The following TRAPPC9 variants were observed in gnomAD, a reference collection of about 807,000 sequenced individuals.
TRAPPC9 encodes IKK2 binding protein.
TRAPPC9 carries 83 observed loss-of-function variants against 124.0 expected under a neutral mutation model. That is an observed-to-expected ratio of 0.67 (90% CI 0.56 to 0.80). The LOEUF (loss-of-function observed/expected upper bound fraction) is 0.80, where lower values mean the gene tolerates loss of function less well. TRAPPC9 is among the 30% of genes least tolerant of loss of function. TRAPPC9 has a pLI of 0.00. For missense variants in TRAPPC9, 1,302 were observed against 1,508.3 expected (o/e 0.86, Z 2.27); for synonymous variants, 638 against 617.5 (o/e 1.03, Z -0.49).
chr8:139,924,934 G>T (rs549446552), intron 19 of TRAPPC9, among the ~76,000 whole-genome samples: 1 of 152,324 alleles, frequency 6.6e-6, no homozygotes, highest in African/African-American at 2.4e-5. Context: ...TGAGCAGGGG[G>T]GTCAGCGGTG....
chr8:139,949,078 A>G lies in TRAPPC9; in HGVS notation c.2811-38778T>C, dbSNP rs115695782. Among the ~76,000 whole-genome samples the G allele has an allele frequency of 6.2e-3, 941 of 152,308 alleles. 12 individuals carry two copies. The highest frequency in any genetic ancestry group is 0.021 in the African/African-American group (879 of 41,560). ...ACATGGTGAGACTCCATCTCAAAAA[A>G]ATAAAAATAAAAAAGACAATAACAA... On this transcript the variant is annotated intron_variant, in intron 19 of 22. Coordinates refer to ENST00000438773, the MANE Select transcript of TRAPPC9 (RefSeq NM_001160372.4).
chr8:140,209,188 G>A (rs1356440387), intron 17 of TRAPPC9, among the ~76,000 whole-genome samples: 1 of 152,210 alleles, frequency 6.6e-6, no homozygotes, highest in African/African-American at 2.4e-5. Flanking sequence ...ACAACGAGCA[G>A]GAGTCACTCC....
chr8:139,978,999 G>A (rs1836689184), intron 19 of TRAPPC9, among the ~76,000 whole-genome samples: 1 of 152,070 alleles, frequency 6.6e-6, no homozygotes, highest in African/African-American at 2.4e-5. Flanking sequence ...GGGACTCGGT[G>A]GCCGGGCTCC....
intron 15 of TRAPPC9, among the ~76,000 whole-genome samples, chr8:140,258,219 G>A (rs1267846597): frequency 6.6e-6 from 1 of 152,236 alleles, no homozygotes; most frequent in Non-Finnish European, 1.5e-5. Context: ...CACGGCCTGA[G>A]GGAGCAGGAG....
chr8:140,118,813 G>A (rs1402056370), intron 17 of TRAPPC9, among the ~76,000 whole-genome samples: 1 of 152,194 alleles, frequency 6.6e-6, no homozygotes, highest in Non-Finnish European at 1.5e-5. Context: ...GACAGCACTT[G>A]AGCGACAGTA....
chr8:139,748,633 C>T (rs1480060725), intron 21 of TRAPPC9, among the ~76,000 whole-genome samples: 1 of 151,958 alleles, frequency 6.6e-6, no homozygotes, highest in Non-Finnish European at 1.5e-5. Flanking sequence ...CTGTGCCGGG[C>T]CTTGCATAGG....
At chr8:140,400,440 T>G (rs1464734457) in intron 6 of TRAPPC9, among the ~76,000 whole-genome samples, 2 of 152,254 alleles carry the variant, frequency 1.3e-5, no homozygotes, top group East Asian at 3.8e-4. Context: ...CAAACATTTT[T>G]AGAAACTCTC....
intron 19 of TRAPPC9, chr8:139,932,763 T>C: frequency 3.0e-6 from 1 of 335,116 alleles, no homozygotes; most frequent in Non-Finnish European, 5.9e-6. Context: ...GACTGTGTCT[T>C]CAAAAAAAAA....
At chr8:139,823,310 G>T (rs1825382989) in intron 21 of TRAPPC9, among the ~76,000 whole-genome samples, 1 of 152,092 alleles carries the variant, frequency 6.6e-6, no homozygotes, top group South Asian at 2.1e-4. Context: ...GTGATTTTAA[G>T]TGGGGGAAGC....
intron 15 of TRAPPC9, among the ~76,000 whole-genome samples, chr8:140,267,825 C>A (rs1029292753): frequency 1.3e-5 from 2 of 152,178 alleles, no homozygotes; most frequent in African/African-American, 4.8e-5. Flanking sequence ...CACCACCAAG[C>A]ACAGCCAATT....
chr8:140,140,868 A>G (rs555951677), intron 17 of TRAPPC9, among the ~76,000 whole-genome samples: 34 of 152,092 alleles, frequency 2.2e-4, no homozygotes, highest in Non-Finnish European at 3.7e-4. Flanking sequence ...CACCACCCCA[A>G]TGGGCTGCAC....
At chr8:140,452,120 C>CA (rs534391613) in intron 1 of TRAPPC9, among the ~76,000 whole-genome samples, 1,151 of 83,802 alleles carry the variant, frequency 0.014, 19 homozygotes, top group African/African-American at 0.044. Flanking sequence ...GACTCCGTCT[C>CA]AAAAAAAAAA....
intron 16 of TRAPPC9, among the ~76,000 whole-genome samples, chr8:140,233,816 T>C (rs1461468905): frequency 6.6e-6 from 1 of 151,776 alleles, no homozygotes; most frequent in African/African-American, 2.4e-5. Context: ...CTGCCCCTTC[T>C]GTAAATCTTA....
chr8:140,341,678 G>A (rs2067198664), intron 9 of TRAPPC9, among the ~76,000 whole-genome samples: 1 of 149,940 alleles, frequency 6.7e-6, no homozygotes, highest in Admixed American at 6.6e-5. Flanking sequence ...TATACGCATG[G>A]GAAAAAAAAA....
intron 17 of TRAPPC9, among the ~76,000 whole-genome samples, chr8:140,073,833 A>G (rs1843336131): frequency 6.6e-6 from 1 of 152,190 alleles, no homozygotes; most frequent in South Asian, 2.1e-4. Context: ...GGTTCCTCAC[A>G]TTCTTCTGTT....
chr8:140,191,261 T>C (rs2062486893), intron 17 of TRAPPC9, among the ~76,000 whole-genome samples: 1 of 152,214 alleles, frequency 6.6e-6, no homozygotes, highest in Non-Finnish European at 1.5e-5. Flanking sequence ...ATTTTTCAAA[T>C]AAACTGAGGC....
chr8:140,446,519 G>A (rs1031144990), intron 2 of TRAPPC9, among the ~76,000 whole-genome samples: 16 of 152,084 alleles, frequency 1.1e-4, no homozygotes, highest in African/African-American at 3.9e-4. Context: ...TTGCCCTTGA[G>A]CCCTCATAAG....
intron 21 of TRAPPC9, among the ~76,000 whole-genome samples, chr8:139,851,502 C>T (rs575837247): frequency 6.6e-6 from 1 of 152,256 alleles, no homozygotes; most frequent in South Asian, 2.1e-4. Context: ...CTGCTTTCCA[C>T]CTGGTACCTA....
At chr8:140,225,064 C>T (rs550606097) in intron 16 of TRAPPC9, among the ~76,000 whole-genome samples, 4 of 152,284 alleles carry the variant, frequency 2.6e-5, no homozygotes, top group East Asian at 1.9e-4. Context: ...GAAGAATAAA[C>T]GAATTATTGC....
Sources: gnomAD v4.1 joint callset for allele counts (sites outside exome capture counted in the v4.1 genomes callset) on GRCh38, gnomAD v4.1.1 for gene constraint, MANE v1.5 for transcripts, NCBI Gene and HGNC (gene_info 2026-07-23, HGNC 2026-07-21) for gene names.